The following NCOA1 variants were observed in gnomAD, a reference collection of about 807,000 sequenced individuals.
NCOA1 encodes Hin-2 protein.
A neutral mutation model predicts 150.9 loss-of-function variants in NCOA1; 35 were observed. The observed-to-expected ratio is 0.23, with a 90% CI of 0.18 to 0.31. The LOEUF (loss-of-function observed/expected upper bound fraction) is 0.31, where lower values mean the gene tolerates loss of function less well. Among genes scored for constraint, NCOA1 ranks in the 10% least tolerant of loss-of-function variants. The probability of loss-of-function intolerance (pLI) is 1.00; values close to 1 mark genes in which losing one functional copy is unlikely to be tolerated. For synonymous variants in NCOA1, 590 were observed against 630.0 expected, an observed-to-expected ratio of 0.94 and a Z score of 0.95; for missense variants, 1,491 against 1,749.3, an observed-to-expected ratio of 0.85 and a Z score of 2.63.
intron 3 of NCOA1, among the ~76,000 whole-genome samples, chr2:24,607,465 G>A (rs756800071): frequency 1.1e-4 from 16 of 152,230 alleles, no homozygotes; most frequent in Non-Finnish European, 1.8e-4. Flanking sequence ...CAAGGCGGGC[G>A]GATCATGAGG....
intron 8 of NCOA1, among the ~76,000 whole-genome samples, chr2:24,683,537 CTG>C (rs1435472189): frequency 6.6e-6 from 1 of 152,172 alleles, no homozygotes; most frequent in Non-Finnish European, 1.5e-5. Flanking sequence ...AGTGCTTTAA[CTG>C]AGGAATTCCA....
At chr2:24,747,687 C>G (rs756486607) in intron 19 of NCOA1, among the ~76,000 whole-genome samples, 6 of 152,034 alleles carry the variant, frequency 3.9e-5, no homozygotes, top group Non-Finnish European at 5.9e-5. Flanking sequence ...CACATTAATA[C>G]AAGAGTTTTT....
chr2:24,680,253 T>G (rs533758581), intron 7 of NCOA1, among the ~76,000 whole-genome samples: 1 of 152,366 alleles, frequency 6.6e-6, no homozygotes, highest in East Asian at 1.9e-4. Flanking sequence ...ATAGATGTTC[T>G]CTTTTCTTCA....
At chr2:24,646,393 A>G (rs1478696722) in intron 4 of NCOA1, among the ~76,000 whole-genome samples, 1 of 152,208 alleles carries the variant, frequency 6.6e-6, no homozygotes, top group Non-Finnish European at 1.5e-5. Context: ...ATAATAATCA[A>G]TTCAGGAAAC....
Position 24,711,974 on chromosome 2 carries a change from A to G in NCOA1, c.2599+863A>G, listed in dbSNP as rs55940562. Among the ~76,000 whole-genome samples, 1,033 of 152,320 alleles carry G rather than the reference A, an allele frequency of 6.8e-3. 7 individuals carry two copies. The highest frequency in any genetic ancestry group is 0.011 in the Non-Finnish European group (746 of 68,016). On this transcript the variant is annotated intron_variant, in intron 14 of 22. Coordinates refer to ENST00000348332, the MANE Select transcript of NCOA1 (RefSeq NM_003743.5). ...GTGGGACTTCAGTTATTTCAGTCCA[A>G]CTGGAACTTTTAACTGTCATGACCC...
At chr2:24,572,664 C>G (rs1230833353) in intron 2 of NCOA1, among the ~76,000 whole-genome samples, 2 of 152,154 alleles carry the variant, frequency 1.3e-5, no homozygotes, top group Admixed American at 1.3e-4. Flanking sequence ...CTCCCTCTCT[C>G]CACCCGAGCT....
intron 17 of NCOA1, among the ~76,000 whole-genome samples, chr2:24,731,849 A>G (rs1663032813): frequency 6.6e-6 from 1 of 152,232 alleles, no homozygotes; most frequent in Non-Finnish European, 1.5e-5. Flanking sequence ...ACTAGGTACT[A>G]TAAGGAATAC....
intron 1 of NCOA1, among the ~76,000 whole-genome samples, chr2:24,502,846 A>T (rs756284432): frequency 2.6e-5 from 4 of 152,244 alleles, no homozygotes; most frequent in Non-Finnish European, 5.9e-5. Context: ...TGTTCAGACC[A>T]TAAAATTTAA....
intron 14 of NCOA1, among the ~76,000 whole-genome samples, chr2:24,714,563 G>A (rs2148611447): frequency 6.6e-6 from 1 of 152,072 alleles, no homozygotes; most frequent in Admixed American, 6.5e-5. Context: ...TGAAAAATTT[G>A]TTGGAGGAGC....
intron 20 of NCOA1, among the ~76,000 whole-genome samples, chr2:24,757,048 C>T (rs1445944153): frequency 6.6e-6 from 1 of 152,224 alleles, no homozygotes; most frequent in East Asian, 1.9e-4. Flanking sequence ...TTGTATACAT[C>T]TGGCTTCCTC....
intron 14 of NCOA1, among the ~76,000 whole-genome samples, chr2:24,715,011 A>G (rs915581082): frequency 6.6e-6 from 1 of 152,146 alleles, no homozygotes; most frequent in Non-Finnish European, 1.5e-5. Context: ...CAGAGATGAA[A>G]AAAGATAGAA....
At chr2:24,637,392 GTA>G (rs991221446) in intron 3 of NCOA1, among the ~76,000 whole-genome samples, 22 of 151,482 alleles carry the variant, frequency 1.5e-4, no homozygotes, top group African/African-American at 5.4e-4. Flanking sequence ...ACATGCACAC[GTA>G]TGTTTATTGT....
chr2:24,557,718 C>G lies in NCOA1; in HGVS notation c.-395-6577C>G, dbSNP rs138990416. On this transcript the variant is annotated intron_variant, in intron 1 of 22. Coordinates refer to ENST00000348332, the MANE Select transcript of NCOA1 (RefSeq NM_003743.5). ...AAGTATTTTTGCTGGTTATTGAATT[C>G]TATACATAGAACTGAATTCTATGTT... 1.5e-3 allele frequency among the ~76,000 whole-genome samples: 224 copies of G among 152,102 alleles called. 2 individuals are homozygous for G. Among genetic ancestry groups the G allele is most frequent in the African/African-American group, 5.2e-3 (216 of 41,506 alleles).
intron 3 of NCOA1, among the ~76,000 whole-genome samples, chr2:24,608,704 G>GTTTT (rs56710627): frequency 1.7e-5 from 2 of 117,334 alleles, no homozygotes; most frequent in African/African-American, 6.6e-5. Flanking sequence ...TTGTTGTTGT[G>GTTTT]TTTTTTTTTT....
At chr2:24,624,348 TAATC>T (rs796995540) in intron 3 of NCOA1, among the ~76,000 whole-genome samples, 2 of 152,354 alleles carry the variant, frequency 1.3e-5, no homozygotes, top group African/African-American at 4.8e-5. Context: ...AAGGGGCTAT[TAATC>T]AAGTAAATTT....
chr2:24,677,671 C>T (rs562115193), intron 7 of NCOA1, among the ~76,000 whole-genome samples: 1 of 152,082 alleles, frequency 6.6e-6, no homozygotes, highest in Non-Finnish European at 1.5e-5. Context: ...TGATCCACCC[C>T]GGTTGGCCTC....
At chr2:24,508,426 G>T (rs1298661480) in intron 1 of NCOA1, among the ~76,000 whole-genome samples, 2 of 151,516 alleles carry the variant, frequency 1.3e-5, no homozygotes, top group Admixed American at 6.6e-5. Context: ...TAATTTATTT[G>T]CAATGACAAA....
chr2:24,732,372 T>C (rs1363900344), intron 17 of NCOA1, among the ~76,000 whole-genome samples: 1 of 152,204 alleles, frequency 6.6e-6, no homozygotes, highest in Non-Finnish European at 1.5e-5. Context: ...TGTATGTCTA[T>C]ACGCAAAAAC....
intron 5 of NCOA1, among the ~76,000 whole-genome samples, chr2:24,664,610 A>T (rs1159355375): frequency 1.3e-5 from 2 of 152,142 alleles, no homozygotes; most frequent in African/African-American, 4.8e-5. Context: ...TGGGAGGCTG[A>T]GGCAGAAGAA....
Sources: gnomAD v4.1 joint callset for allele counts (sites outside exome capture counted in the v4.1 genomes callset) on GRCh38, gnomAD v4.1.1 for gene constraint, MANE v1.5 for transcripts, NCBI Gene and HGNC (gene_info 2026-07-23, HGNC 2026-07-21) for gene names.